The following RNF114 variants were observed in gnomAD, a reference collection of about 807,000 sequenced individuals.
RNF114 encodes E3 ubiquitin-protein ligase RNF114.
Under a neutral mutation model 28.4 loss-of-function variants are expected in RNF114, and 6 were observed. That is an observed-to-expected ratio of 0.21 (90% CI 0.12 to 0.42). The LOEUF (loss-of-function observed/expected upper bound fraction) is 0.42. Ranked by LOEUF, RNF114 falls within the 10% of genes least tolerant of loss-of-function variation. RNF114 has a pLI of 1.00. For missense variants in RNF114, 249 were observed against 311.7 expected (o/e 0.80, Z 1.51); for synonymous variants, 115 against 116.7 (o/e 0.99, Z 0.09).
chr20:49,952,648 T>G lies in RNF114; in HGVS notation c.*507T>G. Reference sequence around the variant, plus strand: ...CTGTGGGGTTGCCAGAAGCTGGGGTTGCCATCCCGGGGTACATGTCACCAG... The same window carrying G: ...CTGTGGGGTTGCCAGAAGCTGGGGTGGCCATCCCGGGGTACATGTCACCAG... On this transcript the variant is annotated 3_prime_UTR_variant, in exon 6 of 6. Coordinates refer to ENST00000244061, the MANE Select transcript of RNF114 (RefSeq NM_018683.4). 1 of 180,934 alleles carries G rather than the reference T, an allele frequency of 5.5e-6. No homozygotes were observed. The allele number at this position is 180,934 out of a possible 1,614,324, so 11.2% of individuals were successfully genotyped here.
chr20:49,936,907 C>T (rs1001302875), intron 1 of RNF114, among the ~76,000 whole-genome samples: 2 of 152,172 alleles, frequency 1.3e-5, no homozygotes, highest in African/African-American at 2.4e-5. Flanking sequence ...CGTTTCCTTT[C>T]TAGTCCACGT....
intron 2 of RNF114, among the ~76,000 whole-genome samples, chr20:49,942,430 T>A (rs1435071632): frequency 6.6e-6 from 1 of 152,264 alleles, no homozygotes; most frequent in Non-Finnish European, 1.5e-5. Flanking sequence ...TACACAGCCT[T>A]GTTGATTTTA....
At chr20:49,939,247 G>A (rs992596780) in intron 1 of RNF114, among the ~76,000 whole-genome samples, 2 of 152,194 alleles carry the variant, frequency 1.3e-5, no homozygotes, top group African/African-American at 4.8e-5. Context: ...TAGAATGTAA[G>A]CATCATGAGA....
intron 2 of RNF114, 135 bp from the exon 3 acceptor site, chr20:49,945,247 G>A (rs1181266415): frequency 3.3e-6 from 2 of 607,326 alleles, no homozygotes; most frequent in Non-Finnish European, 6.0e-6. Flanking sequence ...AGCCCCATCA[G>A]CGTAGTCAGG....
intron 1 of RNF114, among the ~76,000 whole-genome samples, chr20:49,937,400 A>G (rs147881881): frequency 2.9e-3 from 435 of 152,210 alleles, no homozygotes; most frequent in Middle Eastern, 0.014. Flanking sequence ...TTATCGTGGG[A>G]TCACCTTGGC....
At chr20:49,943,833 T>TATATACACAC (rs769534499) in intron 2 of RNF114, 13 of 122,960 alleles carry the variant, frequency 1.1e-4, no homozygotes, top group East Asian at 1.1e-3. Flanking sequence ...TATATATATA[T>TATATACACAC]ACACACACAC....
chr20:49,947,298 C>T (rs991309584), intron 4 of RNF114, among the ~76,000 whole-genome samples: 2 of 141,116 alleles, frequency 1.4e-5, no homozygotes, highest in Admixed American at 7.4e-5. Context: ...GATTGACAGA[C>T]CAGGTCTTTT....
chr20:49,943,760 G>A (rs868086137), intron 2 of RNF114, among the ~76,000 whole-genome samples: 128 of 134,898 alleles, frequency 9.5e-4, no homozygotes, highest in Middle Eastern at 4.3e-3. Context: ...TTGGGTTCAC[G>A]CCATTCTCCT....
chr20:49,948,176 C>T (rs1010051181), intron 4 of RNF114, among the ~76,000 whole-genome samples: 2 of 152,116 alleles, frequency 1.3e-5, no homozygotes, highest in South Asian at 4.1e-4. Flanking sequence ...TGTTCTAGCT[C>T]CCCAGCTACA....
chr20:49,945,638 T>C, intron 3 of RNF114, 150 bp downstream of exon 3: 2 of 596,194 alleles, frequency 3.4e-6, no homozygotes, highest in Non-Finnish European at 6.1e-6. Context: ...AGGACTCTGG[T>C]GTTCACTTCA....
Position 49,936,405 on chromosome 20 carries a change from G to C in RNF114, c.-8G>C, listed in dbSNP as rs763352615. Reference sequence around the variant, plus strand: ...GGCCGCCGTTGCGCGGCGCAGAGCGGCAGCAAGATGGCGGCGCAACAGCGG... The same window carrying C: ...GGCCGCCGTTGCGCGGCGCAGAGCGCCAGCAAGATGGCGGCGCAACAGCGG... On this transcript the variant is annotated 5_prime_UTR_variant, in exon 1 of 6. Transcript: ENST00000244061. 16 of 1,499,960 alleles carry C rather than the reference G, an allele frequency of 1.1e-5. No individual in the cohort carries two copies. The African/African-American group carries it at 2.2e-4, about 20-fold the overall frequency. The allele number at this position is 1,499,960 out of a possible 1,614,324, so 92.9% of individuals were successfully genotyped here.
chr20:49,938,975 C>T (rs2146853122), intron 1 of RNF114, among the ~76,000 whole-genome samples: 1 of 152,330 alleles, frequency 6.6e-6, no homozygotes, highest in Admixed American at 6.5e-5. Flanking sequence ...TCATCACTTG[C>T]CCTTCTCACC....
At chr20:49,939,498 G>GTC (rs1568918299) in intron 1 of RNF114, among the ~76,000 whole-genome samples, 1 of 152,134 alleles carries the variant, frequency 6.6e-6, no homozygotes, top group Admixed American at 6.5e-5. Context: ...GGTTGGGTAA[G>GTC]TAGCCCAGGG....
In RNF114 at chr20:49,952,848, CTG is replaced by C. The variant is rs1470427538; in HGVS notation, c.*709_*710del. 5 of 152,700 alleles carry C rather than the reference CTG, an allele frequency of 3.3e-5. No individual in the cohort carries two copies. The highest frequency in any genetic ancestry group is 1.2e-4 in the African/African-American group (5 of 41,546). The allele number at this position is 152,700 out of a possible 1,614,324, so 9.5% of individuals were successfully genotyped here. A position where few individuals can be genotyped will look rare whatever the true frequency, so the allele number is the denominator to read the frequency against. ...GTTTCTGGGTTAGGGAAGTTAAAGTCTGTTTATCCGTAAGTGGGGAGGAGGGT... is the reference window on the plus strand; with the variant it reads ...GTTTCTGGGTTAGGGAAGTTAAAGTCTTTATCCGTAAGTGGGGAGGAGGGT... On this transcript the variant is annotated 3_prime_UTR_variant, in exon 6 of 6. Transcript: ENST00000244061.
At position 49,936,567 on chromosome 20, in the gene RNF114, C is replaced by T. The variant is rs79126179; in HGVS notation, c.140+15C>T. ...TGCGGACACGTGTAAGCGGCGAGCC[C>T]GGGCCTGGTCGGGGGGCGCTTAACT... On this transcript the variant is annotated intron_variant, in intron 1 of 5. Transcript: ENST00000244061. 2.0e-3 allele frequency: 3,197 copies of T among 1,580,172 alleles called. 58 individuals carry two copies. The African/African-American group carries it at 0.039, about 19-fold the overall frequency.
chr20:49,936,628 CAG>C lies in RNF114; in HGVS notation c.140+77_140+78del, dbSNP rs2090287626. The C allele has an allele frequency of 6.6e-6, 10 of 1,515,578 alleles. No homozygotes were observed. The East Asian group carries it at 2.4e-4, about 37-fold the overall frequency. 93.9% of individuals were successfully genotyped at this position (1,515,578 alleles called of 1,614,324 possible). On this transcript the variant is annotated intron_variant, in intron 1 of 5. Transcript: ENST00000244061. ...TGGAGCCGAGGAGCGAGATGGGTCT[CAG>C]GGCGGGAGCCAGAGGACCCACCCAG...
chr20:49,941,329 T>G (rs2090306994), intron 1 of RNF114: 1 of 456,074 alleles, frequency 2.2e-6, no homozygotes, highest in Non-Finnish European at 3.9e-6. Flanking sequence ...CCTTAACACC[T>G]TCACTGTGTC....
intron 1 of RNF114, 148 bp from the exon 2 acceptor site, chr20:49,941,413 G>T (rs745917791): frequency 1.2e-6 from 1 of 822,072 alleles, no homozygotes; most frequent in Non-Finnish European, 1.9e-6. Flanking sequence ...ATTTTTTCTG[G>T]CTTGGAAGGA....
At chr20:49,950,135 C>T (rs973108427) in intron 5 of RNF114, among the ~76,000 whole-genome samples, 1 of 151,980 alleles carries the variant, frequency 6.6e-6, no homozygotes, top group South Asian at 2.1e-4. Context: ...ACCTGTAATC[C>T]TAGCTACTTG....
Sources: gnomAD v4.1 joint callset for allele counts (sites outside exome capture counted in the v4.1 genomes callset) on GRCh38, gnomAD v4.1.1 for gene constraint, MANE v1.5 for transcripts, NCBI Gene and HGNC (gene_info 2026-07-23, HGNC 2026-07-21) for gene names.